IQCB1: variants seen among roughly 807,000 people sequenced by gnomAD.
The protein encoded by IQCB1 is IQ calmodulin-binding motif-containing protein 1.
IQCB1 carries 56 observed loss-of-function variants against 84.4 expected under a neutral mutation model. The observed-to-expected ratio is 0.66, with a 90% CI of 0.54 to 0.83. The LOEUF is 0.83. Ranked by LOEUF, IQCB1 falls within the 40% of genes least tolerant of loss-of-function variation. The pLI is 0.00. For synonymous variants in IQCB1, 210 were observed against 234.8 expected (o/e 0.89, Z 0.96); for missense variants, 629 against 682.1 (o/e 0.92, Z 0.87).
intron 7 of IQCB1, among the ~76,000 whole-genome samples, chr3:121,807,069 G>A (rs1949621749): frequency 6.6e-6 from 1 of 150,904 alleles, no homozygotes; most frequent in African/African-American, 2.4e-5. Flanking sequence ...AAAATCTTAA[G>A]CTCTGGTATA....
At chr3:121,781,213 G>A (rs1056595022) in intron 13 of IQCB1, among the ~76,000 whole-genome samples, 1 of 152,166 alleles carries the variant, frequency 6.6e-6, no homozygotes, top group African/African-American at 2.4e-5. Context: ...TCAGGTGGGA[G>A]AAGAGAATAA....
intron 9 of IQCB1, 135 bp downstream of exon 9, chr3:121,796,983 A>G (rs1949216262): frequency 1.5e-6 from 1 of 671,528 alleles, no homozygotes. Flanking sequence ...TGAGTAAAAA[A>G]TTTAAAGATA....
intron 12 of IQCB1, among the ~76,000 whole-genome samples, chr3:121,786,498 TAAA>T (rs10711478): frequency 2.0e-5 from 3 of 146,968 alleles, no homozygotes; most frequent in Admixed American, 6.8e-5. Context: ...CCATGTCTCT[TAAA>T]AAAAAAAAAA....
At chr3:121,781,607 C>T (rs1948494353) in intron 13 of IQCB1, 136 bp downstream of exon 13, 2 of 860,996 alleles carry the variant, frequency 2.3e-6, no homozygotes, top group African/African-American at 1.7e-5. Flanking sequence ...AAAGCCAATG[C>T]ATTACCTTAT....
Position 121,776,675 on chromosome 3 carries a change from G to A in IQCB1, c.1411-3962C>T, listed in dbSNP as rs115008221. ...TCCTCCCACCTTGGCCTCCCAAAGT[G>A]TTAGGATTACAGGTATGAGCCACTG... is the stretch of plus-strand genomic sequence containing the variant. On this transcript the variant is annotated intron_variant, in intron 13 of 14. Transcript: ENST00000310864. Among the ~76,000 whole-genome samples, 548 of 152,330 alleles carry A rather than the reference G, an allele frequency of 3.6e-3. 4 individuals are homozygous for A. Among genetic ancestry groups the A allele is most frequent in the African/African-American group, 0.013 (525 of 41,582 alleles).
At chr3:121,822,363 G>A (rs1233097221) in intron 5 of IQCB1, among the ~76,000 whole-genome samples, 3 of 152,124 alleles carry the variant, frequency 2.0e-5, no homozygotes, top group Non-Finnish European at 4.4e-5. Context: ...ATCAACATAG[G>A]GAAAGAGTTC....
At chr3:121,810,247 C>T (rs904251890) in intron 5 of IQCB1, among the ~76,000 whole-genome samples, 8 of 152,098 alleles carry the variant, frequency 5.3e-5, no homozygotes, top group Admixed American at 6.6e-5. Context: ...TAGGTCAGAA[C>T]GTGTATGTCC....
rs541168432 is a variant in IQCB1, at chr3:121,782,196, C to T, written c.1279-322G>A. Among the ~76,000 whole-genome samples, 95 of 152,282 alleles carry T rather than the reference C, an allele frequency of 6.2e-4. 1 individual carries two copies. Among genetic ancestry groups the T allele is most frequent in the Admixed American group, 6.1e-3 (93 of 15,296 alleles). On this transcript the variant is annotated intron_variant, in intron 12 of 14. Transcript: ENST00000310864. ...GGCAAGGCACTTGATCTCTAGAGGA[C>T]AGGTTCTATGTCTATAGAAAAAAGG... is the stretch of plus-strand genomic sequence containing the variant.
intron 2 of IQCB1, among the ~76,000 whole-genome samples, chr3:121,830,510 T>A (rs1950602332): frequency 6.6e-6 from 1 of 152,220 alleles, no homozygotes; most frequent in African/African-American, 2.4e-5. Flanking sequence ...TAATATAAGC[T>A]AAGCACTATG....
chr3:121,822,480 T>C (rs1950309908), intron 5 of IQCB1, among the ~76,000 whole-genome samples: 1 of 152,176 alleles, frequency 6.6e-6, no homozygotes, highest in South Asian at 2.1e-4. Context: ...TCAAAATCTA[T>C]ATACAAACTT....
At chr3:121,806,364 A>G (rs1351739713) in intron 7 of IQCB1, among the ~76,000 whole-genome samples, 2 of 152,070 alleles carry the variant, frequency 1.3e-5, no homozygotes, top group Admixed American at 6.6e-5. Context: ...TACTTTAAAA[A>G]TCTTCAATGG....
intron 14 of IQCB1, among the ~76,000 whole-genome samples, chr3:121,771,485 T>C (rs943163220): frequency 1.3e-5 from 2 of 151,824 alleles, no homozygotes; most frequent in Non-Finnish European, 2.9e-5. Flanking sequence ...CCCGCCACCA[T>C]GCCCAGCTAA....
chr3:121,832,327 A>ATTTTTTT (rs66929099), intron 2 of IQCB1, among the ~76,000 whole-genome samples: 2 of 135,640 alleles, frequency 1.5e-5, no homozygotes, highest in African/African-American at 2.8e-5. Flanking sequence ...TAATTTTACA[A>ATTTTTTT]TTTTTTTTTT....
At chr3:121,802,396 A>G (rs534337311) in intron 7 of IQCB1, among the ~76,000 whole-genome samples, 2 of 152,166 alleles carry the variant, frequency 1.3e-5, no homozygotes, top group South Asian at 4.1e-4. Context: ...TGTCCATTTG[A>G]TCTAAGTTGT....
intron 13 of IQCB1, among the ~76,000 whole-genome samples, chr3:121,779,129 T>G (rs1373332922): frequency 6.6e-6 from 1 of 152,090 alleles, no homozygotes; most frequent in Non-Finnish European, 1.5e-5. Flanking sequence ...ATCACTGGTT[T>G]GACAATTTTG....
At chr3:121,814,956 A>G (rs1041989383) in intron 5 of IQCB1, among the ~76,000 whole-genome samples, 3 of 152,178 alleles carry the variant, frequency 2.0e-5, no homozygotes, top group African/African-American at 7.2e-5. Context: ...AGACACCACA[A>G]AAAAAGAAAA....
chr3:121,793,805 T>C (rs569413909), intron 10 of IQCB1, among the ~76,000 whole-genome samples: 37 of 152,322 alleles, frequency 2.4e-4, no homozygotes, highest in African/African-American at 7.9e-4. Context: ...TTAGATTCCA[T>C]AGATACACTT....
Position 121,770,042 on chromosome 3 carries a change from T to C in IQCB1, c.*303A>G, listed in dbSNP as rs949327856. The stretch of plus-strand genomic sequence containing the variant: ...TATTTATTTAGAAAAAAATATTTAG[T>C]TGGAAAACAGAAGAAACCAAAGAAA... On this transcript the variant is annotated 3_prime_UTR_variant, in exon 15 of 15. Coordinates refer to ENST00000310864, the MANE Select transcript of IQCB1 (RefSeq NM_001023570.4). 1 of 223,740 alleles carries C rather than the reference T, an allele frequency of 4.5e-6. No individual in the cohort carries two copies. The highest frequency in any genetic ancestry group is 5.1e-5 in the Admixed American group (1 of 19,678). 13.9% of individuals were successfully genotyped at this position (223,740 alleles called of 1,614,324 possible).
At chr3:121,785,677 C>T (rs1450655625) in intron 12 of IQCB1, among the ~76,000 whole-genome samples, 1 of 152,122 alleles carries the variant, frequency 6.6e-6, no homozygotes, top group Non-Finnish European at 1.5e-5. Context: ...AGTATTTCAT[C>T]ATGTAATCAA....
Sources: allele counts gnomAD v4.1 joint callset (sites outside exome capture counted in the v4.1 genomes callset), GRCh38; gene constraint gnomAD v4.1.1; transcripts MANE v1.5; gene names NCBI Gene and HGNC (gene_info 2026-07-23, HGNC 2026-07-21).